PCSK5: variants seen among roughly 807,000 people sequenced by gnomAD.
The protein encoded by PCSK5 is proprotein convertase subtilisin/kexin type 5.
A neutral mutation model predicts 233.2 loss-of-function variants in PCSK5; 129 were observed. The observed-to-expected ratio is 0.55, with a 90% CI of 0.48 to 0.64. PCSK5 has a LOEUF of 0.64. PCSK5 is among the 30% of genes least tolerant of loss of function. The pLI is 0.00. For synonymous variants in PCSK5, 825 were observed against 879.2 expected (o/e 0.94, Z 1.09); for missense variants, 2,076 against 2,430.1 (o/e 0.85, Z 3.06).
At chr9:75,938,894 G>A (rs1408610486) in intron 2 of PCSK5, among the ~76,000 whole-genome samples, 1 of 152,114 alleles carries the variant, frequency 6.6e-6, no homozygotes, top group Non-Finnish European at 1.5e-5. Flanking sequence ...ATGTGAAATG[G>A]CTTCGTGGAA....
intron 24 of PCSK5, among the ~76,000 whole-genome samples, chr9:76,253,158 C>A (rs1423104968): frequency 6.6e-6 from 1 of 152,146 alleles, no homozygotes; most frequent in Non-Finnish European, 1.5e-5. Context: ...CACTGTGTAG[C>A]CAACCTTAGT....
At chr9:75,903,570 G>GTGTA in intron 1 of PCSK5, among the ~76,000 whole-genome samples, 1 of 132,500 alleles carries the variant, frequency 7.5e-6, no homozygotes, top group African/African-American at 2.8e-5. Flanking sequence ...ATATGTGTGT[G>GTGTA]TGTGTATATA....
intron 27 of PCSK5, among the ~76,000 whole-genome samples, chr9:76,297,998 T>G (rs1437598374): frequency 6.6e-6 from 1 of 152,130 alleles, no homozygotes; most frequent in Non-Finnish European, 1.5e-5. Flanking sequence ...TCAATCCAGA[T>G]TGGGCTATCT....
intron 5 of PCSK5, among the ~76,000 whole-genome samples, chr9:76,033,647 A>G (rs1246520696): frequency 6.6e-6 from 1 of 152,178 alleles, no homozygotes; most frequent in Admixed American, 6.5e-5. Flanking sequence ...ATCACAAAAT[A>G]ACTTAGACTG....
chr9:76,261,477 A>G (rs1253603351), intron 24 of PCSK5, among the ~76,000 whole-genome samples: 1 of 152,158 alleles, frequency 6.6e-6, no homozygotes, highest in African/African-American at 2.4e-5. Context: ...ACACAGCAAT[A>G]ATGTTCAAGC....
chr9:76,264,337 C>T (rs1827270198), intron 24 of PCSK5, among the ~76,000 whole-genome samples: 1 of 152,084 alleles, frequency 6.6e-6, no homozygotes, highest in Non-Finnish European at 1.5e-5. Flanking sequence ...AAGTGTTAGA[C>T]TTCAAACTAT....
intron 22 of PCSK5, among the ~76,000 whole-genome samples, chr9:76,235,309 AAAG>A (rs142476252): frequency 0.42 from 63,441 of 151,150 alleles, 13,768 homozygotes; most frequent in East Asian, 0.75. Context: ...CAACAAAAAA[AAAG>A]AAGAAGAAGA....
At chr9:76,214,694 C>T (rs1296372318) in intron 20 of PCSK5, among the ~76,000 whole-genome samples, 1 of 152,190 alleles carries the variant, frequency 6.6e-6, no homozygotes, top group Non-Finnish European at 1.5e-5. Flanking sequence ...CAATTCCTAG[C>T]ATATGGTAAT....
chr9:75,926,000 A>G (rs1823469600), intron 1 of PCSK5, among the ~76,000 whole-genome samples: 1 of 152,184 alleles, frequency 6.6e-6, no homozygotes, highest in Admixed American at 6.5e-5. Context: ...AGGTTCGTCA[A>G]CAAGAACAAT....
chr9:76,088,712 C>A (rs1005967190), intron 7 of PCSK5, among the ~76,000 whole-genome samples: 1 of 152,128 alleles, frequency 6.6e-6, no homozygotes, highest in Non-Finnish European at 1.5e-5. Flanking sequence ...GCTCTTATCC[C>A]ATAGATGTCT....
At chr9:76,017,457 G>A (rs900526349) in intron 3 of PCSK5, among the ~76,000 whole-genome samples, 1 of 152,152 alleles carries the variant, frequency 6.6e-6, no homozygotes, top group Non-Finnish European at 1.5e-5. Flanking sequence ...CAATTGTTAT[G>A]TACTTTATCT....
chr9:75,955,142 C>T (rs1825036632), intron 2 of PCSK5, among the ~76,000 whole-genome samples: 1 of 152,152 alleles, frequency 6.6e-6, no homozygotes, highest in Non-Finnish European at 1.5e-5. Flanking sequence ...TCAATCGATG[C>T]TTCCGACAAA....
In PCSK5 at chr9:76,189,679, T is replaced by C; in HGVS notation, c.2559T>C (p.Cys853=). ...LTCNGPGFKN[C]TSCPSGYLLD... ...GCAATGGCCCAGGATTCAAGAACTG[T>C]ACAAGCTGCCCTAGTGGGTATCTCT... is the stretch of plus-strand genomic sequence containing the variant. Residue 853 remains cysteine, a synonymous_variant, in exon 20 of 38, where the codon TGT becomes TGC. Transcript: ENST00000674117. The C allele has an allele frequency of 6.2e-7, 1 of 1,613,440 alleles. No individual in the cohort carries two copies. The highest frequency in any genetic ancestry group is 8.5e-7 in the Non-Finnish European group (1 of 1,179,454).
intron 2 of PCSK5, among the ~76,000 whole-genome samples, chr9:75,976,274 CCACACACACACACA>C (rs10562995): frequency 0.06 from 8,467 of 141,526 alleles, 316 homozygotes; most frequent in African/African-American, 0.097. Flanking sequence ...CACACAGACA[CCACACACACACACA>C]CACACACACA....
At chr9:76,098,733 G>T (rs1394016561) in intron 8 of PCSK5, among the ~76,000 whole-genome samples, 1 of 152,134 alleles carries the variant, frequency 6.6e-6, no homozygotes, top group Non-Finnish European at 1.5e-5. Flanking sequence ...ATAGTCTCAT[G>T]GTAAAAATAT....
At position 76,278,268 on chromosome 9, in the gene PCSK5, T is replaced by C. The variant is rs1032566173; in HGVS notation, c.3143-13965T>C. Among the ~76,000 whole-genome samples, 5 of 151,692 alleles carry C rather than the reference T, an allele frequency of 3.3e-5. 1 individual carries two copies. The highest frequency in any genetic ancestry group is 3.3e-4 in the Admixed American group (5 of 15,244). ...AAACAATTCGTTTTAAAAGTGAATCTTTTTCAAGGAGATTATACAAACATC... is the reference window on the plus strand; with the variant it reads ...AAACAATTCGTTTTAAAAGTGAATCCTTTTCAAGGAGATTATACAAACATC... On this transcript the variant is annotated intron_variant, in intron 24 of 37. Transcript: ENST00000674117.
chr9:76,021,830 T>C (rs1828204911), intron 3 of PCSK5, among the ~76,000 whole-genome samples: 1 of 152,218 alleles, frequency 6.6e-6, no homozygotes, highest in Non-Finnish European at 1.5e-5. Flanking sequence ...AGCCGAGTTG[T>C]GGCCTACAAC....
chr9:75,999,294 C>T (rs1264722038), intron 3 of PCSK5, among the ~76,000 whole-genome samples: 3 of 151,846 alleles, frequency 2.0e-5, no homozygotes, highest in Admixed American at 1.3e-4. Flanking sequence ...TGGAGTCGGT[C>T]GGGAGACCCT....
At position 76,325,739 on chromosome 9, in the gene PCSK5, G is replaced by GA. The variant is rs1829342009; in HGVS notation, c.4340-2269dup. On this transcript the variant is annotated intron_variant, in intron 32 of 37. Coordinates refer to ENST00000674117, the MANE Select transcript of PCSK5 (RefSeq NM_001372043.1). Reference sequence around the variant, plus strand: ...CACAACCTCCGCCTCCCTGGTTCAAGAGATTCTCCTGCTTCAGCTTCCCGA... The same window carrying GA: ...CACAACCTCCGCCTCCCTGGTTCAAGAAGATTCTCCTGCTTCAGCTTCCCGA... Among the ~76,000 whole-genome samples the GA allele has an allele frequency of 2.0e-5, 3 of 152,150 alleles. No individual in the cohort carries two copies. In the South Asian group the frequency reaches 6.2e-4, roughly 32 times the overall value.
Sources: allele counts gnomAD v4.1 joint callset (sites outside exome capture counted in the v4.1 genomes callset), GRCh38; gene constraint gnomAD v4.1.1; transcripts MANE v1.5; gene names NCBI Gene and HGNC (gene_info 2026-07-23, HGNC 2026-07-21).